The following DIAPH3 variants were observed in gnomAD, a reference collection of about 807,000 sequenced individuals.
The protein encoded by DIAPH3 is diaphanous related formin 3, also known as protein diaphanous homolog 3.
DIAPH3 carries 117 observed loss-of-function variants against 144.3 expected under a neutral mutation model. That is an observed-to-expected ratio of 0.81 (90% CI 0.70 to 0.95). The LOEUF (loss-of-function observed/expected upper bound fraction) is 0.95. DIAPH3 is among the 40% of genes least tolerant of loss of function. DIAPH3 has a pLI of 0.00. For missense variants in DIAPH3, 1,421 were observed against 1,412.7 expected, an observed-to-expected ratio of 1.01 and a Z score of -0.09; for synonymous variants, 519 against 488.9, an observed-to-expected ratio of 1.06 and a Z score of -0.81.
intron 4 of DIAPH3, among the ~76,000 whole-genome samples, chr13:60,052,584 C>T (rs1431454257): frequency 6.6e-6 from 1 of 152,122 alleles, no homozygotes; most frequent in East Asian, 1.9e-4. Flanking sequence ...CACTAGAATA[C>T]ACCCTACAGG....
At chr13:60,042,005 C>T (rs2055702004) in intron 5 of DIAPH3, among the ~76,000 whole-genome samples, 3 of 152,060 alleles carry the variant, frequency 2.0e-5, no homozygotes, top group Non-Finnish European at 2.9e-5. Flanking sequence ...CTGTCTCCTA[C>T]CATGCAATAA....
In DIAPH3 at chr13:59,992,586, A is replaced by G. The variant is rs755502600; in HGVS notation, c.1015-3T>C. ...TTGATGAGCTGCATACAAGCTACCT[A>G]CAAGAGATCAAACAGTGAGACAGAC... On this transcript the variant is annotated splice_polypyrimidine_tract_variant and splice_region_variant and intron_variant, in intron 9 of 27. Coordinates refer to ENST00000400324, the MANE Select transcript of DIAPH3 (RefSeq NM_001042517.2). 1.2e-6 allele frequency: 2 copies of G among 1,608,840 alleles called. No homozygotes were observed. Among genetic ancestry groups the G allele is most frequent in the East Asian group, 4.5e-5 (2 of 44,630 alleles).
intron 23 of DIAPH3, chr13:59,838,218 TATC>T (rs1400241671): frequency 6.6e-6 from 1 of 152,156 alleles, no homozygotes; most frequent in Non-Finnish European, 1.5e-5. Context: ...ACACAAAAGA[TATC>T]AGTCTGTAAT....
chr13:59,897,756 C>CA (rs2046198769), intron 20 of DIAPH3, among the ~76,000 whole-genome samples: 1 of 143,388 alleles, frequency 7.0e-6, no homozygotes, highest in Non-Finnish European at 1.5e-5. Context: ...TCAAAAAAAA[C>CA]AAAAAAAGAA....
intron 18 of DIAPH3, among the ~76,000 whole-genome samples, chr13:59,917,127 G>T (rs956752745): frequency 6.6e-6 from 1 of 151,920 alleles, no homozygotes; most frequent in African/African-American, 2.4e-5. Flanking sequence ...TATGTCATCT[G>T]GTATGTGTAT....
chr13:59,932,203 CTCA>C, intron 17 of DIAPH3, among the ~76,000 whole-genome samples: 1 of 152,198 alleles, frequency 6.6e-6, no homozygotes, highest in African/African-American at 2.4e-5. Flanking sequence ...GTTTACTTTT[CTCA>C]TCATTATCAG....
intron 27 of DIAPH3, among the ~76,000 whole-genome samples, chr13:59,699,770 G>A (rs975711225): frequency 4.6e-5 from 7 of 152,106 alleles, no homozygotes; most frequent in African/African-American, 1.7e-4. Context: ...CTTTAAATTA[G>A]GTGGAAAGAG....
chr13:60,136,114 T>C (rs1362448793), intron 1 of DIAPH3, among the ~76,000 whole-genome samples: 1 of 152,136 alleles, frequency 6.6e-6, no homozygotes, highest in East Asian at 1.9e-4. Flanking sequence ...ACTAACTAAA[T>C]CCTCAGATAA....
chr13:60,049,179 G>A (rs1255322357), intron 4 of DIAPH3, among the ~76,000 whole-genome samples: 1 of 152,124 alleles, frequency 6.6e-6, no homozygotes, highest in Non-Finnish European at 1.5e-5. Flanking sequence ...ACAGTGGATG[G>A]TTCTATTTAT....
chr13:59,802,667 A>ATTATTATT (rs1433627853), intron 25 of DIAPH3, among the ~76,000 whole-genome samples: 23 of 23,766 alleles, frequency 9.7e-4, no homozygotes, highest in South Asian at 3.5e-3. Flanking sequence ...TATTATTATT[A>ATTATTATT]TTTTTTTTTT....
intron 27 of DIAPH3, among the ~76,000 whole-genome samples, chr13:59,750,899 AAC>A (rs1385617632): frequency 2.0e-5 from 3 of 152,192 alleles, no homozygotes; most frequent in African/African-American, 7.2e-5. Flanking sequence ...ACAGGTTTTA[AAC>A]AGTCTTCTCT....
At chr13:59,842,512 G>A (rs963607780) in intron 22 of DIAPH3, among the ~76,000 whole-genome samples, 10 of 152,060 alleles carry the variant, frequency 6.6e-5, no homozygotes, top group Non-Finnish European at 1.0e-4. Flanking sequence ...TGGAGTTAGT[G>A]CAGACTCCAT....
Position 60,053,111 on chromosome 13 carries a change from G to GA in DIAPH3, c.496-10292dup, listed in dbSNP as rs2056421572. On this transcript the variant is annotated intron_variant, in intron 4 of 27. Coordinates refer to ENST00000400324, the MANE Select transcript of DIAPH3 (RefSeq NM_001042517.2). The stretch of plus-strand genomic sequence containing the variant: ...ATATTACTATCCAAACACAGGTATA[G>GA]AAAAAAAGGAAATTGAGGGGGAAAA... Among the ~76,000 whole-genome samples the GA allele has an allele frequency of 2.6e-5, 4 of 151,294 alleles. No individual in the cohort carries two copies. In the South Asian group the frequency reaches 8.3e-4, roughly 32 times the overall value.
intron 27 of DIAPH3, among the ~76,000 whole-genome samples, chr13:59,719,769 A>C (rs342575): frequency 0.65 from 99,176 of 151,820 alleles, 32,852 homozygotes; most frequent in East Asian, 0.72. Context: ...TTGGACTGAG[A>C]GGCAGACTTG....
At chr13:59,956,553 T>C (rs2049415355) in intron 17 of DIAPH3, among the ~76,000 whole-genome samples, 1 of 152,218 alleles carries the variant, frequency 6.6e-6, no homozygotes, top group Non-Finnish European at 1.5e-5. Context: ...GGCAGAGGCA[T>C]GCTGCAGGGG....
intron 22 of DIAPH3, among the ~76,000 whole-genome samples, chr13:59,848,307 C>CTTT (rs71089517): frequency 2.6e-4 from 33 of 128,084 alleles, no homozygotes; most frequent in Middle Eastern, 4.4e-3. Flanking sequence ...AAAGTCAAAT[C>CTTT]TTTTTTTTTT....
At chr13:59,804,505 TTGTTA>T (rs1356285570) in intron 25 of DIAPH3, among the ~76,000 whole-genome samples, 2 of 152,148 alleles carry the variant, frequency 1.3e-5, no homozygotes, top group African/African-American at 2.4e-5. Context: ...TCTCATGAGT[TTGTTA>T]TAAGTATTAC....
chr13:60,080,905 GATGCCT>G (rs889535558), intron 4 of DIAPH3, among the ~76,000 whole-genome samples: 1 of 151,878 alleles, frequency 6.6e-6, no homozygotes, highest in African/African-American at 2.4e-5. Context: ...AAAACTCTTA[GATGCCT>G]ATGAACTCAA....
intron 27 of DIAPH3, among the ~76,000 whole-genome samples, chr13:59,737,832 G>A (rs2036235765): frequency 6.6e-6 from 1 of 152,112 alleles, no homozygotes. Context: ...AAGTTTAGTT[G>A]CCATCCTCAG....
Sources: gnomAD v4.1 joint callset for allele counts (sites outside exome capture counted in the v4.1 genomes callset) on GRCh38, gnomAD v4.1.1 for gene constraint, MANE v1.5 for transcripts, NCBI Gene and HGNC (gene_info 2026-07-23, HGNC 2026-07-21) for gene names.